PASK: variants seen among roughly 807,000 people sequenced by gnomAD.
PASK encodes the protein PAS domain containing serine/threonine kinase, also known as PAS domain-containing serine/threonine-protein kinase.
A neutral mutation model predicts 121.0 loss-of-function variants in PASK; 110 were observed. The ratio of observed to expected loss-of-function variants is 0.91; its 90% CI spans 0.78 to 1.06. PASK has a LOEUF of 1.06. PASK is among the 50% of genes least tolerant of loss of function. The pLI, the probability that PASK is intolerant of heterozygous loss-of-function variation, is 0.00. For synonymous variants in PASK, 686 were observed against 717.8 expected, an observed-to-expected ratio of 0.96 and a Z score of 0.71; for missense variants, 1,643 against 1,702.3, an observed-to-expected ratio of 0.97 and a Z score of 0.61.
chr2:241,138,532 C>T lies in PASK; in HGVS notation c.741+122G>A, dbSNP rs922522857. 26 of 1,195,188 alleles carry T rather than the reference C, an allele frequency of 2.2e-5. No individual in the cohort carries two copies. In the Admixed American group the frequency reaches 3.5e-4, roughly 16 times the overall value. 74.0% of individuals were successfully genotyped at this position (1,195,188 alleles called of 1,614,324 possible). ...TCAGCGAGGGTACCACTGGGCAGAC[C>T]CTCCAGGCTCCTCATCCTCTCTTTC... On this transcript the variant is annotated intron_variant, in intron 5 of 17. Transcript: ENST00000234040.
chr2:241,108,055 A>G lies in PASK; in HGVS notation c.3667+112T>C, dbSNP rs186279111. The G allele has an allele frequency of 5.2e-5, 52 of 1,005,804 alleles. No homozygotes were observed. Among genetic ancestry groups the G allele is most frequent in the Admixed American group, 2.9e-4 (17 of 58,912 alleles). The allele number at this position is 1,005,804 out of a possible 1,614,324, so 62.3% of individuals were successfully genotyped here. On this transcript the variant is annotated intron_variant, in intron 16 of 17. Coordinates refer to ENST00000234040, the MANE Select transcript of PASK (RefSeq NM_015148.4). This position sits in a 1 kb window ranked among gnomAD's most constrained non-coding sequence, Gnocchi z 5.2. ...TATTTGATGAATAGAAAAGAAACAA[A>G]TGAGACTGTTGATATGGACAGAGAT...
At chr2:241,109,244 A>G (rs1372428159) in intron 15 of PASK, 1 of 152,406 alleles carries the variant, frequency 6.6e-6, no homozygotes, top group African/African-American at 2.4e-5. Context: ...TCCTCACAAC[A>G]ACCTAGCAAG....
intron 1 of PASK, 149 bp from the exon 2 acceptor site, chr2:241,143,223 T>G: frequency 1.5e-6 from 1 of 647,348 alleles, no homozygotes; most frequent in Admixed American, 2.2e-5. Flanking sequence ...AATGGGAGAA[T>G]GGTCCACCCA....
At chr2:241,147,464 A>G (rs1176530766) in intron 1 of PASK, among the ~76,000 whole-genome samples, 1 of 152,032 alleles carries the variant, frequency 6.6e-6, no homozygotes, top group African/African-American at 2.4e-5. Context: ...CAAAAAAAAA[A>G]TTAAAAATTA....
Position 241,126,263 on chromosome 2 carries a change from G to A in PASK, c.2652C>T (p.Gly884=). The A allele has an allele frequency of 2.5e-6, 4 of 1,614,170 alleles. No individual in the cohort carries two copies. Among genetic ancestry groups the A allele is most frequent in the Non-Finnish European group, 3.4e-6 (4 of 1,180,034 alleles). Residue 884 remains glycine (G), a synonymous_variant, in exon 10 of 18, where the codon GGC becomes GGT. Coordinates refer to ENST00000234040, the MANE Select transcript of PASK (RefSeq NM_015148.4). ...TPVIVMRGAA[G]LQREIQEGAY... ...CACCCTCCTGGATCTCCCGCTGCAG[G>A]CCAGCAGCCCCGCGCATCACGATCA... is the stretch of plus-strand genomic sequence containing the variant.
At chr2:241,124,583 T>C (rs1275879323) in intron 10 of PASK, among the ~76,000 whole-genome samples, 1 of 152,244 alleles carries the variant, frequency 6.6e-6, no homozygotes, top group East Asian at 1.9e-4. Flanking sequence ...GTACCTACTC[T>C]ACTCACTAAC....
intron 9 of PASK, among the ~76,000 whole-genome samples, chr2:241,132,294 G>T (rs550991635): frequency 1.4e-4 from 21 of 151,854 alleles, no homozygotes; most frequent in African/African-American, 4.3e-4. Context: ...GGAGGCCAAG[G>T]CGGGTGGATA....
intron 5 of PASK, 29 bp downstream of exon 5, chr2:241,138,625 T>C: frequency 1.9e-6 from 3 of 1,613,164 alleles, no homozygotes; most frequent in Non-Finnish European, 2.5e-6. Flanking sequence ...CCAGCGTCCA[T>C]GAGACATGAG....
rs2065739583 is a variant in PASK at position 241,123,962 on chromosome 2, G to A, written c.2891C>T (p.Pro964Leu). 2.5e-6 allele frequency: 4 copies of A among 1,613,512 alleles called. No individual in the cohort carries two copies. In the East Asian group the frequency reaches 6.7e-5, roughly 27 times the overall value. ...THSTAAELTG[P>L]SLVEVLRARP... ...GCAAATACCCACTTCCACCAGGCTGGGTCCGGTGAGCTCAGCAGCGGTAGA... is the reference window on the plus strand; with the variant it reads ...GCAAATACCCACTTCCACCAGGCTGAGTCCGGTGAGCTCAGCAGCGGTAGA... The change falls in exon 11 of 18, where the codon CCC (proline) becomes CTC (leucine). Residue 964 changes from proline to leucine, a missense_variant. Physicochemically the swap from Pro to Leu is moderately conservative, Grantham distance 98. Transcript: ENST00000234040.
At chr2:241,140,107 C>T (rs1329185617) in intron 3 of PASK, 52 bp from the exon 4 acceptor site, 1 of 1,453,530 alleles carries the variant, frequency 6.9e-7, no homozygotes. Flanking sequence ...GCAGCTCCAC[C>T]AGCTGCCCAG....
At chr2:241,116,851 A>G (rs115107024) in intron 12 of PASK, among the ~76,000 whole-genome samples, 1,853 of 152,334 alleles carry the variant, frequency 0.012, 34 homozygotes, top group African/African-American at 0.041. Flanking sequence ...GGTGTCAGGA[A>G]GAGATGCTGA....
intron 9 of PASK, among the ~76,000 whole-genome samples, chr2:241,130,986 T>A (rs2066099921): frequency 1.3e-5 from 2 of 152,170 alleles, no homozygotes; most frequent in Non-Finnish European, 2.9e-5. Context: ...TATACAACTA[T>A]AGTTAAATGC....
intron 9 of PASK, among the ~76,000 whole-genome samples, chr2:241,131,274 G>A (rs867291639): frequency 3.3e-5 from 5 of 151,328 alleles, no homozygotes; most frequent in South Asian, 2.1e-4. Flanking sequence ...TCAGCCTCCC[G>A]AGTAGCTGGG....
In PASK at chr2:241,142,832, A is replaced by G. The variant is rs752656747; in HGVS notation, c.196+5T>C. 1.9e-6 allele frequency: 3 copies of G among 1,606,800 alleles called. No individual in the cohort carries two copies. Among genetic ancestry groups the G allele is most frequent in the Non-Finnish European group, 2.6e-6 (3 of 1,174,188 alleles). On this transcript the variant is annotated splice_donor_5th_base_variant and intron_variant, in intron 2 of 17. Coordinates refer to ENST00000234040, the MANE Select transcript of PASK (RefSeq NM_015148.4). ...CTAAGGCCTGCAGTGGTCGAAGGTC[A>G]TTACCAGAGAGCGCTGTCCTGCTCT...
chr2:241,115,383 C>T lies in PASK; in HGVS notation c.3103G>A (p.Val1035Ile). Residue 1035 changes from valine (V) to isoleucine (I), a missense_variant, in exon 13 of 18, where the codon GTC becomes ATC. Val to Ile is a conservative substitution (Grantham distance 29). Transcript: ENST00000234040. Reference sequence around the variant, plus strand: ...TCCTCAATCCAACAATCCTCCAAGACCTTCTCCTTCTTAATAAACTTCACC... The same window carrying T: ...TCCTCAATCCAACAATCCTCCAAGATCTTCTCCTTCTTAATAAACTTCACC... ...VVVKFIKKEK[V>I]LEDCWIEDPK... 6.2e-7 allele frequency: 1 copy of T among 1,613,794 alleles called. No homozygotes were observed. Among genetic ancestry groups the T allele is most frequent in the Non-Finnish European group, 8.5e-7 (1 of 1,179,786 alleles).
intron 1 of PASK, among the ~76,000 whole-genome samples, chr2:241,147,316 TA>T (rs1455066979): frequency 2.0e-5 from 3 of 152,204 alleles, no homozygotes; most frequent in Non-Finnish European, 2.9e-5. Context: ...CTAAAAAATA[TA>T]ACTCTTCAGA....
upstream of PASK, chr2:241,149,685 C>A: frequency 6.5e-7 from 1 of 1,549,462 alleles, no homozygotes; most frequent in East Asian, 2.4e-5. Flanking sequence ...GATGCGGTTT[C>A]CTCCCGACTC....
chr2:241,144,975 G>A (rs1399826665), intron 1 of PASK, among the ~76,000 whole-genome samples: 1 of 152,072 alleles, frequency 6.6e-6, no homozygotes, highest in East Asian at 1.9e-4. Flanking sequence ...GTGCAGTGGC[G>A]CGACTTCGGC....
intron 17 of PASK, 151 bp from the exon 18 acceptor site, chr2:241,106,874 A>G (rs950345396): frequency 2.5e-6 from 2 of 790,872 alleles, no homozygotes; most frequent in Non-Finnish European, 2.1e-6. Flanking sequence ...AGATCCTGCC[A>G]AGGTGGGGAT....
Sources: gnomAD v4.1 joint callset for allele counts (sites outside exome capture counted in the v4.1 genomes callset) on GRCh38, gnomAD v4.1.1 for gene constraint, Gnocchi (gnomAD v3.1) non-coding constraint, MANE v1.5 for transcripts, NCBI Gene and HGNC (gene_info 2026-07-23, HGNC 2026-07-21) for gene names.